CYTH3: variants seen among roughly 807,000 people sequenced by gnomAD.
CYTH3 encodes cytohesin-3.
A neutral mutation model predicts 55.1 loss-of-function variants in CYTH3; 23 were observed. That is an observed-to-expected ratio of 0.42 (90% confidence interval 0.30 to 0.59). CYTH3 has a LOEUF of 0.59. Among genes scored for constraint, CYTH3 ranks in the 20% least tolerant of loss-of-function variants. CYTH3 has a pLI of 0.20. For synonymous variants in CYTH3, 249 were observed against 194.9 expected, an observed-to-expected ratio of 1.28 and a Z score of -2.31; for missense variants, 413 against 524.8, an observed-to-expected ratio of 0.79 and a Z score of 2.08.
intron 1 of CYTH3, among the ~76,000 whole-genome samples, chr7:6,197,746 T>C (rs530563477): frequency 9.2e-5 from 14 of 152,264 alleles, no homozygotes; most frequent in African/African-American, 3.4e-4. Flanking sequence ...TGATCCATTA[T>C]CCATTTTACA....
intron 1 of CYTH3, among the ~76,000 whole-genome samples, chr7:6,239,274 AAG>A (rs769097980): frequency 3.3e-5 from 5 of 152,072 alleles, no homozygotes; most frequent in Admixed American, 2.6e-4. Flanking sequence ...AGGGAAATGG[AAG>A]AGAGAAAGAG....
intron 1 of CYTH3, among the ~76,000 whole-genome samples, chr7:6,259,169 C>T (rs917686164): frequency 6.6e-6 from 1 of 152,144 alleles, no homozygotes; most frequent in Non-Finnish European, 1.5e-5. Flanking sequence ...CTGCACATTG[C>T]CAAACATCTG....
intron 1 of CYTH3, among the ~76,000 whole-genome samples, chr7:6,263,641 C>T (rs989105067): frequency 6.6e-6 from 1 of 151,828 alleles, no homozygotes; most frequent in African/African-American, 2.4e-5. Context: ...ACTAAAAATA[C>T]TAAAAATTTA....
At chr7:6,177,783 A>G (rs1269138869) in intron 5 of CYTH3, 40 bp downstream of exon 5, 3 of 1,483,408 alleles carry the variant, frequency 2.0e-6, no homozygotes, top group African/African-American at 1.4e-5. Context: ...TGCAGGGCTG[A>G]GTGGCCCCAG....
At chr7:6,259,815 T>A (rs866295805) in intron 1 of CYTH3, among the ~76,000 whole-genome samples, 9 of 26,108 alleles carry the variant, frequency 3.4e-4, no homozygotes, top group Non-Finnish European at 3.6e-4. Context: ...ATATATATAA[T>A]ATATATATAT....
At chr7:6,196,275 G>A (rs1321952547) in intron 1 of CYTH3, among the ~76,000 whole-genome samples, 1 of 152,004 alleles carries the variant, frequency 6.6e-6, no homozygotes, top group Admixed American at 6.6e-5. Flanking sequence ...CAAAGAAATC[G>A]AGATCAAGAG....
At chr7:6,223,952 C>A (rs1382420660) in intron 1 of CYTH3, among the ~76,000 whole-genome samples, 1 of 151,556 alleles carries the variant, frequency 6.6e-6, no homozygotes, top group African/African-American at 2.4e-5. Context: ...AATCATACAA[C>A]CCTATGAATG....
intron 1 of CYTH3, among the ~76,000 whole-genome samples, chr7:6,242,343 TG>T (rs1463546830): frequency 6.6e-6 from 1 of 150,604 alleles, no homozygotes; most frequent in African/African-American, 2.5e-5. Flanking sequence ...CCCAAAGTGC[TG>T]GGATTACAGA....
chr7:6,241,551 C>G lies in CYTH3; in HGVS notation c.34+30923G>C, dbSNP rs563284991. On this transcript the variant is annotated intron_variant, in intron 1 of 12. Transcript: ENST00000350796. ...CACATTTTCCTTTTAGCATAAGAATCCCACTTCTGAAAATTTCTCTCTCAG... is the reference window on the plus strand; with the variant it reads ...CACATTTTCCTTTTAGCATAAGAATGCCACTTCTGAAAATTTCTCTCTCAG... 1.4e-4 allele frequency among the ~76,000 whole-genome samples: 21 copies of G among 152,292 alleles called. No individual in the cohort carries two copies. In the South Asian group the frequency reaches 1.9e-3, roughly 14 times the overall value.
At chr7:6,180,656 T>C (rs1783482939) in intron 4 of CYTH3, among the ~76,000 whole-genome samples, 1 of 152,236 alleles carries the variant, frequency 6.6e-6, no homozygotes, top group Non-Finnish European at 1.5e-5. Flanking sequence ...ATGGCAGCCC[T>C]AGAATACTAA....
At position 6,170,682 on chromosome 7, in the gene CYTH3, T is replaced by C. The variant is rs1438230927; in HGVS notation, c.712-36A>G. The C allele has an allele frequency of 1.2e-6, 2 of 1,600,342 alleles. No homozygotes were observed. Among genetic ancestry groups the C allele is most frequent in the South Asian group, 2.2e-5 (2 of 89,564 alleles). ...GGAAAACAGCAGCCAGTTCAGAGAC[T>C]CGGAGGAAAATGGCTGGCCGGGCAG... On this transcript the variant is annotated intron_variant, in intron 8 of 12. Transcript: ENST00000350796. This position sits in a 1 kb window ranked among gnomAD's most constrained non-coding sequence, Gnocchi z 7.8.
At chr7:6,177,680 T>C (rs1389993429) in intron 5 of CYTH3, 143 bp downstream of exon 5, 6 of 668,310 alleles carry the variant, frequency 9.0e-6, no homozygotes, top group Admixed American at 2.3e-5. Flanking sequence ...TCGCTTGGTA[T>C]TGAGACGGGC....
intron 2 of CYTH3, chr7:6,188,627 G>C (rs1036808861): frequency 6.6e-6 from 1 of 152,308 alleles, no homozygotes; most frequent in Non-Finnish European, 1.5e-5. Context: ...AACTGACTCA[G>C]GGCACTCAGA....
intron 4 of CYTH3, among the ~76,000 whole-genome samples, chr7:6,183,339 T>G (rs1783554230): frequency 6.6e-6 from 1 of 152,222 alleles, no homozygotes; most frequent in African/African-American, 2.4e-5. Context: ...TTCCAGGGAT[T>G]CCTCAATTTC....
At chr7:6,227,166 A>G (rs1319518579) in intron 1 of CYTH3, among the ~76,000 whole-genome samples, 3 of 152,114 alleles carry the variant, frequency 2.0e-5, no homozygotes, top group African/African-American at 7.2e-5. Context: ...GAGGCTTTTT[A>G]AAGAATAAAA....
At chr7:6,234,989 G>C (rs1409644862) in intron 1 of CYTH3, among the ~76,000 whole-genome samples, 1 of 152,160 alleles carries the variant, frequency 6.6e-6, no homozygotes, top group South Asian at 2.1e-4. Context: ...TCAGTGCCTT[G>C]CATCTGGTCC....
intron 1 of CYTH3, among the ~76,000 whole-genome samples, chr7:6,197,105 A>T (rs1783952481): frequency 6.6e-6 from 1 of 152,198 alleles, no homozygotes; most frequent in Admixed American, 6.5e-5. Context: ...AACTCTAAAG[A>T]TCCTAAAATA....
At chr7:6,268,737 T>A (rs1400192875) in intron 1 of CYTH3, among the ~76,000 whole-genome samples, 1 of 152,188 alleles carries the variant, frequency 6.6e-6, no homozygotes, top group African/African-American at 2.4e-5. Flanking sequence ...TTAAAGCTAC[T>A]GCCTAAAGCA....
chr7:6,211,585 A>G (rs1466049584), intron 1 of CYTH3, among the ~76,000 whole-genome samples: 2 of 152,214 alleles, frequency 1.3e-5, no homozygotes, highest in Admixed American at 6.5e-5. Flanking sequence ...TCAGGAGTTC[A>G]AATCCCAAAG....
Sources: gnomAD v4.1 joint callset for allele counts (sites outside exome capture counted in the v4.1 genomes callset) on GRCh38, gnomAD v4.1.1 for gene constraint, Gnocchi (gnomAD v3.1) non-coding constraint, MANE v1.5 for transcripts, NCBI Gene and HGNC (gene_info 2026-07-23, HGNC 2026-07-21) for gene names.